NOS1AP: variants seen among roughly 807,000 people sequenced by gnomAD.
NOS1AP encodes carboxyl-terminal PDZ ligand of neuronal nitric oxide synthase protein.
NOS1AP carries 21 observed loss-of-function variants against 56.2 expected under a neutral mutation model. The ratio of observed to expected loss-of-function variants is 0.37; its 90% confidence interval spans 0.26 to 0.54. The LOEUF (loss-of-function observed/expected upper bound fraction) is 0.54. Among genes scored for constraint, NOS1AP ranks in the 20% least tolerant of loss-of-function variants. The probability of loss-of-function intolerance (pLI) is 0.84; values close to 1 mark genes in which losing one functional copy is unlikely to be tolerated. For missense variants in NOS1AP, 522 were observed against 657.8 expected, an observed-to-expected ratio of 0.79 and a Z score of 2.26; for synonymous variants, 270 against 274.6, an observed-to-expected ratio of 0.98 and a Z score of 0.17.
chr1:162,283,830 G>C (rs1005190333), intron 2 of NOS1AP, among the ~76,000 whole-genome samples: 1 of 152,168 alleles, frequency 6.6e-6, no homozygotes, highest in Non-Finnish European at 1.5e-5. Context: ...GCTCTGGCTG[G>C]CAAAGCAAAT....
chr1:162,228,011 A>C (rs1174527885), intron 2 of NOS1AP, among the ~76,000 whole-genome samples: 2 of 152,208 alleles, frequency 1.3e-5, no homozygotes, highest in Non-Finnish European at 2.9e-5. Context: ...CCAATATGAA[A>C]AGATCCAATT....
At chr1:162,143,394 ATCT>A (rs1441308238) in intron 1 of NOS1AP, among the ~76,000 whole-genome samples, 1 of 152,168 alleles carries the variant, frequency 6.6e-6, no homozygotes, top group East Asian at 1.9e-4. Flanking sequence ...TACCTTCAGG[ATCT>A]TCTTGGCTCA....
intron 9 of NOS1AP, among the ~76,000 whole-genome samples, chr1:162,366,571 G>C (rs1658093310): frequency 6.6e-6 from 1 of 152,152 alleles, no homozygotes; most frequent in Non-Finnish European, 1.5e-5. Flanking sequence ...GGGCTGGTCT[G>C]GGAGCCTGTA....
At chr1:162,298,425 T>G (rs952665489) in intron 3 of NOS1AP, among the ~76,000 whole-genome samples, 1 of 152,154 alleles carries the variant, frequency 6.6e-6, no homozygotes, top group Non-Finnish European at 1.5e-5. Context: ...CAAACCAGGG[T>G]GGTGTAATTG....
intron 1 of NOS1AP, among the ~76,000 whole-genome samples, chr1:162,128,311 C>T (rs1371816915): frequency 6.6e-6 from 1 of 152,068 alleles, no homozygotes; most frequent in Non-Finnish European, 1.5e-5. Flanking sequence ...GTTTACCATA[C>T]ACTACATTTC....
At chr1:162,100,670 G>A (rs887448990) in intron 1 of NOS1AP, among the ~76,000 whole-genome samples, 2 of 151,426 alleles carry the variant, frequency 1.3e-5, no homozygotes, top group African/African-American at 4.9e-5. Flanking sequence ...GGCTTTTGTT[G>A]CCATTGCTTT....
At chr1:162,363,909 T>C (rs890533871) in intron 8 of NOS1AP, 44 of 985,326 alleles carry the variant, frequency 4.5e-5, no homozygotes, top group Non-Finnish European at 4.9e-5. Flanking sequence ...TTAGGCATTA[T>C]GCCCCTGTGG....
At chr1:162,281,843 G>A (rs538180511) in intron 2 of NOS1AP, among the ~76,000 whole-genome samples, 6 of 152,198 alleles carry the variant, frequency 3.9e-5, no homozygotes, top group East Asian at 1.9e-4. Context: ...ATTTTAGGCC[G>A]GGCGCGGTGG....
intron 2 of NOS1AP, among the ~76,000 whole-genome samples, chr1:162,251,533 T>C (rs753371461): frequency 1.3e-5 from 2 of 152,028 alleles, no homozygotes; most frequent in Non-Finnish European, 2.9e-5. Flanking sequence ...TATTGAAAGT[T>C]GACTCCCAAG....
intron 8 of NOS1AP, among the ~76,000 whole-genome samples, chr1:162,362,087 A>G (rs1001049249): frequency 1.3e-5 from 2 of 152,204 alleles, no homozygotes; most frequent in Non-Finnish European, 2.9e-5. Context: ...CCAACAGACA[A>G]GCACTCCAGC....
chr1:162,233,246 T>C (rs1653182620), intron 2 of NOS1AP, among the ~76,000 whole-genome samples: 1 of 152,168 alleles, frequency 6.6e-6, no homozygotes, highest in Non-Finnish European at 1.5e-5. Context: ...CTGGTGTTGC[T>C]CATCCTCATG....
chr1:162,146,123 A>C (rs1165627183), intron 1 of NOS1AP, among the ~76,000 whole-genome samples: 1 of 152,124 alleles, frequency 6.6e-6, no homozygotes, highest in Non-Finnish European at 1.5e-5. Flanking sequence ...CCTTTACGTT[A>C]TGCCTATTTC....
At chr1:162,117,752 G>C (rs1325410183) in intron 1 of NOS1AP, among the ~76,000 whole-genome samples, 2 of 152,192 alleles carry the variant, frequency 1.3e-5, no homozygotes, top group Non-Finnish European at 2.9e-5. Context: ...CAACTGGAAC[G>C]AGTTGGGGCT....
At chr1:162,211,024 C>G (rs1162446142) in intron 2 of NOS1AP, among the ~76,000 whole-genome samples, 1 of 152,206 alleles carries the variant, frequency 6.6e-6, no homozygotes, top group African/African-American at 2.4e-5. Context: ...GGTCTCACCC[C>G]ACTTCCCACC....
chr1:162,326,516 G>A (rs989220186), intron 4 of NOS1AP, among the ~76,000 whole-genome samples: 1 of 152,152 alleles, frequency 6.6e-6, no homozygotes, highest in African/African-American at 2.4e-5. Context: ...ATATATACAG[G>A]CACATATAAG....
intron 1 of NOS1AP, 125 bp downstream of exon 1, chr1:162,070,407 T>G (rs1326414713): frequency 2.7e-6 from 2 of 744,658 alleles, no homozygotes; most frequent in African/African-American, 3.5e-5. Context: ...GGCCTTTCTC[T>G]TAGGGAGGGT....
At chr1:162,257,470 G>A (rs904946704) in intron 2 of NOS1AP, among the ~76,000 whole-genome samples, 1 of 152,010 alleles carries the variant, frequency 6.6e-6, no homozygotes, top group Non-Finnish European at 1.5e-5. Flanking sequence ...GCAACATGAC[G>A]AAACCCTGTC....
Position 162,369,628 on chromosome 1 carries a change from T to C in NOS1AP, c.*2161T>C, listed in dbSNP as rs1225547870. ...TTGAGATTGGATAGACGAAAGGAAA[T>C]GGAGAAATTAAAGAATTGGAGAAAC... is the stretch of plus-strand genomic sequence containing the variant. On this transcript the variant is annotated 3_prime_UTR_variant, in exon 10 of 10. Coordinates refer to ENST00000361897, the MANE Select transcript of NOS1AP (RefSeq NM_014697.3). The C allele has an allele frequency of 6.6e-6, 1 of 152,084 alleles. No individual in the cohort carries two copies. The highest frequency in any genetic ancestry group is 1.5e-5 in the Non-Finnish European group (1 of 68,070). The allele number at this position is 152,084 out of a possible 1,614,324, so 9.4% of individuals were successfully genotyped here.
At chr1:162,296,273 G>A (rs997399435) in intron 3 of NOS1AP, among the ~76,000 whole-genome samples, 3 of 152,036 alleles carry the variant, frequency 2.0e-5, no homozygotes, top group Non-Finnish European at 4.4e-5. Flanking sequence ...GTGACAGAGC[G>A]AGACTCTGTC....
Sources: gnomAD v4.1 joint callset for allele counts (sites outside exome capture counted in the v4.1 genomes callset) on GRCh38, gnomAD v4.1.1 for gene constraint, MANE v1.5 for transcripts, NCBI Gene and HGNC (gene_info 2026-07-23, HGNC 2026-07-21) for gene names.